The following CEP128 variants were observed in gnomAD, a reference collection of about 807,000 sequenced individuals.
CEP128 encodes the protein centrosomal protein 128.
In CEP128, 132 loss-of-function variants were observed where a neutral mutation model predicts 156.7. The ratio of observed to expected loss-of-function variants is 0.84; its 90% confidence interval spans 0.73 to 0.97. The LOEUF is 0.97. Among genes scored for constraint, CEP128 ranks in the 50% least tolerant of loss-of-function variants. The pLI, the probability that CEP128 is intolerant of heterozygous loss-of-function variation, is 0.00. For missense variants in CEP128, 1,252 were observed against 1,281.9 expected (o/e 0.98, Z 0.36); for synonymous variants, 469 against 448.9 (o/e 1.04, Z -0.57).
intron 17 of CEP128, 47 bp from the exon 18 acceptor site, chr14:80,756,998 T>C: frequency 8.4e-7 from 1 of 1,193,128 alleles, no homozygotes; most frequent in Non-Finnish European, 1.2e-6. Flanking sequence ...TTCTCTGACA[T>C]AAACATATAT....
At chr14:80,801,322 A>T (rs1025581464) in intron 13 of CEP128, among the ~76,000 whole-genome samples, 5 of 152,320 alleles carry the variant, frequency 3.3e-5, no homozygotes, top group African/African-American at 1.2e-4. Flanking sequence ...ACCGGTTTTC[A>T]AAGGGAATGC....
Position 80,580,513 on chromosome 14 carries a change from T to A in CEP128, c.2807-90A>T. ...AATGCAATTCAGCCAGTAGCTTGTA[T>A]AAACTGTTGCCTGAGAAGAGAATTT... is the stretch of plus-strand genomic sequence containing the variant. On this transcript the variant is annotated intron_variant, in intron 19 of 24. Coordinates refer to ENST00000555265, the MANE Select transcript of CEP128 (RefSeq NM_152446.5). The A allele has an allele frequency of 4.0e-6, 3 of 752,178 alleles. No individual in the cohort carries two copies. The Middle Eastern group carries it at 7.3e-4, about 182-fold the overall frequency. The allele number at this position is 752,178 out of a possible 1,614,324, so 46.6% of individuals were successfully genotyped here.
chr14:80,713,028 G>C (rs1343826316), intron 19 of CEP128, among the ~76,000 whole-genome samples: 2 of 152,096 alleles, frequency 1.3e-5, no homozygotes, highest in Non-Finnish European at 2.9e-5. Context: ...TCATATCATA[G>C]ACAATCAAGA....
At chr14:80,488,359 T>G (rs1042977353), downstream of CEP128, among the ~76,000 whole-genome samples, 1 of 149,426 alleles carries the variant, frequency 6.7e-6, no homozygotes, top group African/African-American at 2.4e-5. Flanking sequence ...AAGACATTTA[T>G]GCAGCCAAGA....
intron 23 of CEP128, among the ~76,000 whole-genome samples, chr14:80,518,028 C>T (rs1159594369): frequency 6.6e-6 from 1 of 151,584 alleles, no homozygotes; most frequent in African/African-American, 2.4e-5. Context: ...TGAGCCGTAA[C>T]AAACACGGAC....
At chr14:80,585,908 G>C (rs1891798874) in intron 19 of CEP128, among the ~76,000 whole-genome samples, 1 of 136,420 alleles carries the variant, frequency 7.3e-6, no homozygotes, top group Non-Finnish European at 1.7e-5. Flanking sequence ...AAATTCATCA[G>C]ATAAAGCAGC....
intron 21 of CEP128, among the ~76,000 whole-genome samples, chr14:80,547,022 T>C (rs1036216550): frequency 2.6e-5 from 4 of 152,178 alleles, no homozygotes; most frequent in African/African-American, 9.6e-5. Flanking sequence ...TAATAAAAGC[T>C]CTAAACAAAC....
intron 8 of CEP128, among the ~76,000 whole-genome samples, chr14:80,890,278 G>A (rs550805657): frequency 2.6e-5 from 4 of 152,244 alleles, no homozygotes; most frequent in Admixed American, 6.5e-5. Context: ...ATTACTGGGT[G>A]TATACCCAAA....
intron 22 of CEP128, among the ~76,000 whole-genome samples, chr14:80,527,868 GC>G (rs1889050182): frequency 6.6e-6 from 1 of 152,040 alleles, no homozygotes; most frequent in Non-Finnish European, 1.5e-5. Context: ...TTCCAGGCCT[GC>G]CTTTTTTCTT....
upstream of CEP128, among the ~76,000 whole-genome samples, chr14:80,942,124 A>C (rs999165784): frequency 6.6e-6 from 1 of 152,112 alleles, no homozygotes; most frequent in African/African-American, 2.4e-5. Flanking sequence ...GAGCGGTGGG[A>C]GGACAGGGAA....
intron 19 of CEP128, among the ~76,000 whole-genome samples, chr14:80,701,503 T>C (rs28451204): frequency 0.032 from 4,906 of 152,206 alleles, 254 homozygotes; most frequent in African/African-American, 0.11. Context: ...CCTCACTCAG[T>C]GGCAGAGGAG....
chr14:80,588,411 T>C (rs546708877), intron 19 of CEP128, among the ~76,000 whole-genome samples: 3 of 152,224 alleles, frequency 2.0e-5, no homozygotes, highest in Non-Finnish European at 2.9e-5. Flanking sequence ...TTATTCCTCA[T>C]AAATATCAGT....
intron 19 of CEP128, among the ~76,000 whole-genome samples, chr14:80,722,821 C>CT (rs142796338): frequency 0.045 from 4,705 of 103,898 alleles, 138 homozygotes; most frequent in Admixed American, 0.097. Context: ...TACTCTTTAT[C>CT]TTTTTTTTTT....
chr14:80,586,944 C>A (rs1383355126), intron 19 of CEP128, among the ~76,000 whole-genome samples: 2 of 151,974 alleles, frequency 1.3e-5, no homozygotes, highest in African/African-American at 4.8e-5. Flanking sequence ...AGCTCAAATA[C>A]CTAAACAACA....
chr14:80,644,912 T>C (rs1894572679), intron 19 of CEP128, among the ~76,000 whole-genome samples: 1 of 152,166 alleles, frequency 6.6e-6, no homozygotes. Flanking sequence ...TTGCATTTTC[T>C]AGGAAAATAA....
At chr14:80,867,947 T>A (rs1218460264) in intron 8 of CEP128, among the ~76,000 whole-genome samples, 2 of 151,750 alleles carry the variant, frequency 1.3e-5, no homozygotes, top group East Asian at 3.9e-4. Context: ...AAAGAGAAAA[T>A]GCCGAAAGCA....
At chr14:80,920,124 C>G (rs1380232179) in intron 2 of CEP128, among the ~76,000 whole-genome samples, 1 of 152,164 alleles carries the variant, frequency 6.6e-6, no homozygotes, top group African/African-American at 2.4e-5. Context: ...CTGGCATTTT[C>G]TTCCACTCTT....
chr14:80,649,001 G>A (rs1455274534), intron 19 of CEP128, among the ~76,000 whole-genome samples: 1 of 152,080 alleles, frequency 6.6e-6, no homozygotes, highest in African/African-American at 2.4e-5. Flanking sequence ...CAAAGGTGCC[G>A]AGGTAATCTA....
intron 13 of CEP128, chr14:80,822,420 T>C (rs1017578504): frequency 2.9e-5 from 13 of 444,350 alleles, no homozygotes; most frequent in South Asian, 2.0e-4. Flanking sequence ...TCTTAACACT[T>C]CAAAATGGGA....
Sources: gnomAD v4.1 joint callset for allele counts (sites outside exome capture counted in the v4.1 genomes callset) on GRCh38, gnomAD v4.1.1 for gene constraint, MANE v1.5 for transcripts, NCBI Gene and HGNC (gene_info 2026-07-23, HGNC 2026-07-21) for gene names.